Variants in LPAR1 observed in about 807,000 individuals in gnomAD.
LPAR1 encodes LPA receptor 1.
LPAR1 carries 5 observed loss-of-function variants against 23.8 expected under a neutral mutation model. The observed-to-expected ratio is 0.21, with a 90% CI of 0.11 to 0.44. The LOEUF is 0.44. Ranked by LOEUF, LPAR1 falls within the 20% of genes least tolerant of loss-of-function variation. LPAR1 has a pLI of 0.99. For synonymous variants in LPAR1, 160 were observed against 164.7 expected, an observed-to-expected ratio of 0.97 and a Z score of 0.22; for missense variants, 311 against 482.8, an observed-to-expected ratio of 0.64 and a Z score of 3.33.
At chr9:110,965,874 C>A (rs2096200674) in intron 4 of LPAR1, among the ~76,000 whole-genome samples, 1 of 152,144 alleles carries the variant, frequency 6.6e-6, no homozygotes. Flanking sequence ...TGGAACCAAC[C>A]CAGATGCCCA....
intron 5 of LPAR1, among the ~76,000 whole-genome samples, chr9:110,885,871 T>A (rs2082222438): frequency 6.6e-6 from 1 of 152,134 alleles, no homozygotes; most frequent in Non-Finnish European, 1.5e-5. Context: ...GAGACCAGCC[T>A]GACCAATATG....
chr9:110,946,201 G>C (rs536602758), intron 4 of LPAR1, among the ~76,000 whole-genome samples: 3 of 151,962 alleles, frequency 2.0e-5, no homozygotes, highest in Non-Finnish European at 4.4e-5. Flanking sequence ...AAGAACAAAA[G>C]AAAAGAAGGC....
At chr9:110,923,313 T>C (rs2093770106) in intron 5 of LPAR1, among the ~76,000 whole-genome samples, 1 of 152,186 alleles carries the variant, frequency 6.6e-6, no homozygotes, top group Non-Finnish European at 1.5e-5. Flanking sequence ...TACAATGGTT[T>C]GATTTAGGAT....
intron 4 of LPAR1, among the ~76,000 whole-genome samples, chr9:110,950,783 T>C (rs187576589): frequency 7.2e-5 from 11 of 152,250 alleles, no homozygotes; most frequent in Admixed American, 7.2e-4. Flanking sequence ...TTTTTGTGAA[T>C]AGAGATGTAA....
chr9:110,918,544 G>A (rs549061205), intron 5 of LPAR1, among the ~76,000 whole-genome samples: 68 of 152,146 alleles, frequency 4.5e-4, no homozygotes, highest in Middle Eastern at 3.4e-3. Context: ...GGAAGTAAGC[G>A]GTCTGGATAT....
At chr9:110,934,261 G>A (rs1291833767) in intron 5 of LPAR1, 3 of 152,196 alleles carry the variant, frequency 2.0e-5, no homozygotes, top group Non-Finnish European at 2.9e-5. Context: ...AGGACCAATT[G>A]GGAAGTCTTC....
chr9:111,012,464 C>A (rs1176177323), intron 2 of LPAR1, among the ~76,000 whole-genome samples: 1 of 105,672 alleles, frequency 9.5e-6, no homozygotes, highest in African/African-American at 4.4e-5. Context: ...CATGTACGCA[C>A]GCGCGCACAC....
chr9:110,919,411 C>T (rs1004268438), intron 5 of LPAR1, among the ~76,000 whole-genome samples: 1 of 152,158 alleles, frequency 6.6e-6, no homozygotes, highest in African/African-American at 2.4e-5. Flanking sequence ...CAGACTTCAG[C>T]TTGTGAGACC....
At position 110,875,485 on chromosome 9, in the gene LPAR1, G is replaced by C. The variant is rs527765818; in HGVS notation, c.1031C>G (p.Ser344Trp). Reference sequence around the variant, plus strand: ...GATGGTGTGGTTGAGGGAGGAAGCCGAGCGGTCTGAGCCTTCTGTGGGGCC... The same window carrying C: ...GATGGTGTGGTTGAGGGAGGAAGCCCAGCGGTCTGAGCCTTCTGTGGGGCC... The part of the protein sequence containing the change: ...PTGPTEGSDR[S>W]ASSLNHTILA... Residue 344 changes from serine to tryptophan, a missense_variant, in exon 6 of 6, where the codon TCG becomes TGG. Ser to Trp is a radical substitution (Grantham distance 177, BLOSUM62 -3). This residue lies in a region of LPAR1 where 250 missense variants were observed against 427.2 expected (regional missense o/e 0.59). Coordinates refer to ENST00000683809, the MANE Select transcript of LPAR1 (RefSeq NM_001351411.2). The C allele has an allele frequency of 1.9e-6, 3 of 1,614,080 alleles. No individual in the cohort carries two copies. Among genetic ancestry groups the C allele is most frequent in the Non-Finnish European group, 2.5e-6 (3 of 1,179,966 alleles).
rs376909802 is a variant in LPAR1 at position 110,896,183 on chromosome 9, GT to G, written c.794-20462del. ...TCAAGTCCTGCTCATAATTATTCTT[GT>G]TACCACGACAGATTTTTGACTATGC... On this transcript the variant is annotated intron_variant, in intron 5 of 5. Coordinates refer to ENST00000683809, the MANE Select transcript of LPAR1 (RefSeq NM_001351411.2). Among the ~76,000 whole-genome samples the G allele has an allele frequency of 5.6e-3, 847 of 152,242 alleles. 6 individuals carry two copies. Among genetic ancestry groups the G allele is most frequent in the African/African-American group, 0.019 (788 of 41,552 alleles).
chr9:110,902,902 C>T (rs138022347), intron 5 of LPAR1, among the ~76,000 whole-genome samples: 19 of 152,244 alleles, frequency 1.2e-4, no homozygotes, highest in African/African-American at 3.6e-4. Flanking sequence ...CACCAGCAGA[C>T]GCCAGGAGGA....
chr9:110,966,178 G>A (rs780971085), intron 4 of LPAR1, among the ~76,000 whole-genome samples: 3 of 151,890 alleles, frequency 2.0e-5, no homozygotes, highest in South Asian at 2.1e-4. Flanking sequence ...TATTGTATGC[G>A]GGCTTAAAAC....
At chr9:110,984,373 C>T (rs1436453258) in intron 2 of LPAR1, among the ~76,000 whole-genome samples, 1 of 152,022 alleles carries the variant, frequency 6.6e-6, no homozygotes, top group Non-Finnish European at 1.5e-5. Context: ...ACAGTGACCT[C>T]CAGTTCCATC....
chr9:110,933,820 C>T lies in LPAR1; in HGVS notation c.793+7601G>A, dbSNP rs540844684. Reference sequence around the variant, plus strand: ...CTTCATGTTCTGGTTCCTCTGTCCACACTTCAAAAGGAACTCTGTTAGGTT... The same window carrying T: ...CTTCATGTTCTGGTTCCTCTGTCCATACTTCAAAAGGAACTCTGTTAGGTT... On this transcript the variant is annotated intron_variant, in intron 5 of 5. Coordinates refer to ENST00000683809, the MANE Select transcript of LPAR1 (RefSeq NM_001351411.2). Among the ~76,000 whole-genome samples the T allele has an allele frequency of 3.9e-5, 6 of 152,338 alleles. No homozygotes were observed. In the East Asian group the frequency reaches 1.2e-3, roughly 29 times the overall value.
intron 5 of LPAR1, among the ~76,000 whole-genome samples, chr9:110,901,289 G>A (rs2088859112): frequency 2.0e-5 from 3 of 152,194 alleles, no homozygotes; most frequent in African/African-American, 4.8e-5. Context: ...ACTACGACAA[G>A]AGTAGCAAAA....
chr9:110,985,680 T>C (rs2096766486), intron 2 of LPAR1, among the ~76,000 whole-genome samples: 2 of 152,084 alleles, frequency 1.3e-5, no homozygotes, highest in African/African-American at 4.8e-5. Context: ...GAAGTGGTCC[T>C]GATGGAGAGG....
intron 2 of LPAR1, among the ~76,000 whole-genome samples, chr9:111,024,091 A>G (rs1306386130): frequency 3.3e-5 from 5 of 152,194 alleles, no homozygotes; most frequent in Non-Finnish European, 7.3e-5. Flanking sequence ...ATGGGTAAGA[A>G]GCATGTTCTT....
chr9:110,897,832 A>T (rs1193353536), intron 5 of LPAR1, among the ~76,000 whole-genome samples: 1 of 152,006 alleles, frequency 6.6e-6, no homozygotes, highest in Admixed American at 6.5e-5. Context: ...TAATGAGCAG[A>T]TATCTATACT....
At chr9:110,977,891 G>A (rs959738481) in intron 2 of LPAR1, among the ~76,000 whole-genome samples, 1 of 145,534 alleles carries the variant, frequency 6.9e-6, no homozygotes, top group Admixed American at 7.0e-5. Flanking sequence ...AAGGAAGGAA[G>A]GAAGGAAGGA....
Sources: allele counts gnomAD v4.1 joint callset (sites outside exome capture counted in the v4.1 genomes callset), GRCh38; gene constraint gnomAD v4.1.1; regional missense constraint gnomAD v4.1.1; transcripts MANE v1.5; gene names NCBI Gene and HGNC (gene_info 2026-07-23, HGNC 2026-07-21).